Variants in ELP1 observed in about 807,000 individuals in gnomAD.
ELP1 encodes the protein elongator acetyltransferase complex subunit 1.
ELP1 carries 131 observed loss-of-function variants against 183.2 expected under a neutral mutation model. The ratio of observed to expected loss-of-function variants is 0.72; its 90% CI spans 0.62 to 0.83. The LOEUF is 0.83. ELP1 is among the 40% of genes least tolerant of loss of function. The pLI is 0.00. For synonymous variants in ELP1, 555 were observed against 569.0 expected, an observed-to-expected ratio of 0.98 and a Z score of 0.35; for missense variants, 1,550 against 1,594.9, an observed-to-expected ratio of 0.97 and a Z score of 0.48.
At chr9:108,879,902 G>C (rs549472901) in intron 32 of ELP1, 150 bp downstream of exon 32, 3 of 703,016 alleles carry the variant, frequency 4.3e-6, no homozygotes, top group African/African-American at 3.5e-5. Flanking sequence ...CACAGACACA[G>C]AGGGCCCTGA....
At chr9:108,896,758 A>G (rs950001870) in intron 24 of ELP1, 114 bp from the exon 25 acceptor site, 4 of 1,109,926 alleles carry the variant, frequency 3.6e-6, no homozygotes, top group Admixed American at 1.7e-5. Flanking sequence ...GGACATCAGA[A>G]GAATATATAC....
chr9:108,898,025 T>A (rs1828622190), intron 22 of ELP1, among the ~76,000 whole-genome samples: 1 of 152,194 alleles, frequency 6.6e-6, no homozygotes, highest in African/African-American at 2.4e-5. Flanking sequence ...CACTTAGCAA[T>A]TTGTCTACAA....
At chr9:108,906,938 T>C (rs2132004738) in intron 13 of ELP1, among the ~76,000 whole-genome samples, 1 of 152,310 alleles carries the variant, frequency 6.6e-6, no homozygotes. Flanking sequence ...AATGCATTCT[T>C]TGGTAGCATT....
At position 108,896,517 on chromosome 9, in the gene ELP1, C is replaced by T; in HGVS notation, c.2715G>A (p.Met905Ile). Residue 905 changes from methionine (M) to isoleucine (I), a missense_variant, in exon 25 of 37, where the codon ATG becomes ATA. By Grantham distance (10) the Met-to-Ile change is conservative (BLOSUM62 1). Transcript: ENST00000374647. ...LGTYDFDLVL[M>I]VAEKSQKDPK... Reference sequence around the variant, plus strand: ...ATACCTTCTGTGACTTCTCAGCTACCATGAGGACCAAATCAAAGTCATAGG... The same window carrying T: ...ATACCTTCTGTGACTTCTCAGCTACTATGAGGACCAAATCAAAGTCATAGG... 1 of 1,614,106 alleles carries T rather than the reference C, an allele frequency of 6.2e-7. No individual in the cohort carries two copies. The highest frequency in any genetic ancestry group is 8.5e-7 in the Non-Finnish European group (1 of 1,180,008).
In ELP1 at chr9:108,869,032, G is replaced by T; in HGVS notation, c.*83C>A. ...TACTCTTTCCAGTTCTCAATAGCCA[G>T]CCCTCAAAGAGCAAGGGGTGGTAGG... is the stretch of plus-strand genomic sequence containing the variant. On this transcript the variant is annotated 3_prime_UTR_variant, in exon 37 of 37. Coordinates refer to ENST00000374647, the MANE Select transcript of ELP1 (RefSeq NM_003640.5). The T allele has an allele frequency of 1.7e-6, 2 of 1,171,042 alleles. No homozygotes were observed. Among genetic ancestry groups the T allele is most frequent in the Admixed American group, 1.7e-5 (1 of 59,392 alleles). The allele number at this position is 1,171,042 out of a possible 1,614,324, so 72.5% of individuals were successfully genotyped here.
intron 29 of ELP1, among the ~76,000 whole-genome samples, chr9:108,886,163 G>A (rs1284640960): frequency 1.3e-5 from 2 of 152,140 alleles, no homozygotes; most frequent in Non-Finnish European, 2.9e-5. Context: ...AGGGAGGGCA[G>A]CTTTTCCCCA....
intron 36 of ELP1, among the ~76,000 whole-genome samples, chr9:108,872,780 G>A (rs1827515262): frequency 8.4e-6 from 1 of 119,626 alleles, no homozygotes. Flanking sequence ...ACTCCCGCCT[G>A]GGCCACAGAG....
At chr9:108,881,289 C>T (rs1463649768) in intron 31 of ELP1, among the ~76,000 whole-genome samples, 19 of 152,086 alleles carry the variant, frequency 1.2e-4, no homozygotes, top group Admixed American at 1.2e-3. Context: ...TTTGTGGAAC[C>T]TTTTAAGAGT....
Position 108,911,041 on chromosome 9 carries a change from A to C in ELP1, c.1329T>G (p.Asp443Glu). Residue 443 changes from aspartate (D) to glutamate (E), a missense_variant, in exon 12 of 37, where the codon GAT (aspartate) becomes GAG (glutamate). Asp to Glu is a conservative substitution (Grantham distance 45). Transcript: ENST00000374647. ...TATAAACAGAAATCTGGTTACTGGCATCTAGAACAGCAAGGTCATTACTCT... is the reference window on the plus strand; with the variant it reads ...TATAAACAGAAATCTGGTTACTGGCCTCTAGAACAGCAAGGTCATTACTCT... Reference protein sequence around the residue: ...PQKSNDLAVLDASNQISVYKC... With the variant: ...PQKSNDLAVLEASNQISVYKC... 1.2e-6 allele frequency: 2 copies of C among 1,614,188 alleles called. No homozygotes were observed. Among genetic ancestry groups the C allele is most frequent in the Non-Finnish European group, 1.7e-6 (2 of 1,180,024 alleles).
At chr9:108,900,946 C>T (rs968482095) in intron 18 of ELP1, among the ~76,000 whole-genome samples, 12 of 143,074 alleles carry the variant, frequency 8.4e-5, no homozygotes, top group East Asian at 6.2e-4. Flanking sequence ...ATACACGCCA[C>T]ACACACATAC....
At position 108,926,528 on chromosome 9, in the gene ELP1, C is replaced by G. The variant is rs2132043743; in HGVS notation, c.461G>C (p.Gly154Ala). Residue 154 changes from glycine (G) to alanine (A), a missense_variant, in exon 5 of 37, where the codon GGT becomes GCT. Coordinates refer to ENST00000374647, the MANE Select transcript of ELP1 (RefSeq NM_003640.5). ...TTGCACAAAGCTATACTTACTTTCA[C>G]CAAAATCATCCTGATGGATCTGCTG... Reference protein sequence around the residue: ...LEQQIHQDDFGESKFITVGWG... With the variant: ...LEQQIHQDDFAESKFITVGWG... 6.2e-7 allele frequency: 1 copy of G among 1,612,242 alleles called. No individual in the cohort carries two copies.
intron 5 of ELP1, among the ~76,000 whole-genome samples, chr9:108,924,291 C>G (rs1286271806): frequency 6.6e-6 from 1 of 152,190 alleles, no homozygotes; most frequent in Non-Finnish European, 1.5e-5. Context: ...ACAGATCATA[C>G]AGCCTGCAAA....
At position 108,926,573 on chromosome 9, in the gene ELP1, T is replaced by G; in HGVS notation, c.416A>C (p.Asp139Ala). The change falls in exon 5 of 37, where the codon GAT becomes GCT. Residue 139 changes from aspartate (D) to alanine (A), a missense_variant. Physicochemically the swap from Asp to Ala is moderately radical, Grantham distance 126. Transcript: ENST00000374647. ...GQQTLIMMTK[D>A]FEPILEQQIH... ...CTGCTGCTCCAGGATTGGCTCAAAA[T>G]CTTTTGTCATCATAATCAGGGTCTG... is the stretch of plus-strand genomic sequence containing the variant. The G allele has an allele frequency of 6.2e-7, 1 of 1,613,032 alleles. No homozygotes were observed. The highest frequency in any genetic ancestry group is 8.5e-7 in the Non-Finnish European group (1 of 1,179,782).
rs548541890 is a variant in ELP1, at chr9:108,918,732, C to T, written c.740+79G>A. ...AAATCCTTTTGTGTTACACAAACAT[C>T]TGTATCATCTGTATCCATGTGTACC... On this transcript the variant is annotated intron_variant, in intron 8 of 36. Coordinates refer to ENST00000374647, the MANE Select transcript of ELP1 (RefSeq NM_003640.5). The T allele has an allele frequency of 1.9e-5, 18 of 938,870 alleles. No individual in the cohort carries two copies. In the East Asian group the frequency reaches 3.8e-4, roughly 20 times the overall value. 58.2% of individuals were successfully genotyped at this position (938,870 alleles called of 1,614,324 possible).
rs73526359 is a variant in ELP1, at chr9:108,883,111, T to C, written c.3223-924A>G. Among the ~76,000 whole-genome samples, 494 of 152,340 alleles carry C rather than the reference T, an allele frequency of 3.2e-3. 2 individuals are homozygous for C. The highest frequency in any genetic ancestry group is 0.012 in the African/African-American group (480 of 41,572). On this transcript the variant is annotated intron_variant, in intron 29 of 36. Coordinates refer to ENST00000374647, the MANE Select transcript of ELP1 (RefSeq NM_003640.5). ...TTTTGGTATTAATTCTAACCATCCA[T>C]TGCCAAATCCAAAGTCATGAAGATT... is the stretch of plus-strand genomic sequence containing the variant.
Position 108,901,535 on chromosome 9 carries a change from A to G in ELP1, c.1909-5T>C. 1 of 1,613,550 alleles carries G rather than the reference A, an allele frequency of 6.2e-7. No homozygotes were observed. Among genetic ancestry groups the G allele is most frequent in the Non-Finnish European group, 8.5e-7 (1 of 1,179,406 alleles). ...TGACGTGATATTTGACGCAACCTGC[A>G]AGAGAAGGCCAGAGAGGCATGGGTG... On this transcript the variant is annotated splice_region_variant and splice_polypyrimidine_tract_variant and intron_variant, in intron 17 of 36. Coordinates refer to ENST00000374647, the MANE Select transcript of ELP1 (RefSeq NM_003640.5).
chr9:108,918,989 A>G, intron 7 of ELP1, 88 bp from the exon 8 acceptor site: 2 of 975,216 alleles, frequency 2.1e-6, no homozygotes, highest in Non-Finnish European at 3.3e-6. Flanking sequence ...CACCTTCCTT[A>G]CAAATAAAAA....
chr9:108,926,539 C>T lies in ELP1; in HGVS notation c.450G>A (p.Gln150=), dbSNP rs1020292203. ...TATACTTACTTTCACCAAAATCATC[C>T]TGATGGATCTGCTGCTCCAGGATTG... ...FEPILEQQIH[Q]DDFGESKFIT... The change falls in exon 5 of 37, where the codon CAG becomes CAA. Residue 150 remains glutamine, a synonymous_variant. Transcript: ENST00000374647. 1 of 1,612,894 alleles carries T rather than the reference C, an allele frequency of 6.2e-7. No individual in the cohort carries two copies. The highest frequency in any genetic ancestry group is 1.1e-5 in the South Asian group (1 of 91,062).
chr9:108,910,958 G>C, intron 12 of ELP1, 52 bp downstream of exon 12: 2 of 1,544,566 alleles, frequency 1.3e-6, no homozygotes, highest in Non-Finnish European at 1.8e-6. Context: ...CTTTTATGTA[G>C]GAGTAGAAGG....
Sources: gnomAD v4.1 joint callset for allele counts (sites outside exome capture counted in the v4.1 genomes callset) on GRCh38, gnomAD v4.1.1 for gene constraint, MANE v1.5 for transcripts, NCBI Gene and HGNC (gene_info 2026-07-23, HGNC 2026-07-21) for gene names.